The following PACRG variants were observed in gnomAD, a reference collection of about 807,000 sequenced individuals.
PACRG encodes parkin coregulated, also known as parkin coregulated gene protein.
Under a neutral mutation model 29.7 loss-of-function variants are expected in PACRG, and 29 were observed. That is an observed-to-expected ratio of 0.98 (90% confidence interval 0.73 to 1.33). PACRG has a LOEUF of 1.33. Among genes scored for constraint, PACRG ranks in the 40% most tolerant of loss-of-function variants. The pLI is 0.00. For missense variants in PACRG, 279 were observed against 316.2 expected (o/e 0.88, Z 0.89); for synonymous variants, 116 against 118.7 (o/e 0.98, Z 0.15).
intron 3 of PACRG, among the ~76,000 whole-genome samples, chr6:163,064,531 T>C (rs967549690): frequency 3.9e-5 from 6 of 152,234 alleles, no homozygotes; most frequent in African/African-American, 1.4e-4. Flanking sequence ...ATCCTGAGTG[T>C]AACTGCTCCT....
chr6:163,076,258 C>T (rs779675360), intron 3 of PACRG, among the ~76,000 whole-genome samples: 3 of 152,160 alleles, frequency 2.0e-5, no homozygotes, highest in Non-Finnish European at 4.4e-5. Flanking sequence ...AGCTTTTGCT[C>T]GCCATCTGGG....
intron 1 of PACRG, among the ~76,000 whole-genome samples, chr6:162,763,189 TAGAG>T (rs1168327712): frequency 1.3e-5 from 2 of 152,202 alleles, no homozygotes; most frequent in East Asian, 1.9e-4. Flanking sequence ...TTTAAGCTGT[TAGAG>T]AGAACATAAA....
chr6:163,172,287 G>A (rs534616837), intron 4 of PACRG, among the ~76,000 whole-genome samples: 5 of 152,088 alleles, frequency 3.3e-5, no homozygotes, highest in Non-Finnish European at 5.9e-5. Context: ...CAACCTAAAT[G>A]AGCAGACCTT....
intron 4 of PACRG, among the ~76,000 whole-genome samples, chr6:163,110,961 CAT>C (rs1815680126): frequency 6.6e-6 from 1 of 152,240 alleles, no homozygotes; most frequent in South Asian, 2.1e-4. Flanking sequence ...TTCAAATCCA[CAT>C]GTGTCAAATC....
intron 2 of PACRG, among the ~76,000 whole-genome samples, chr6:162,855,981 T>C (rs768690170): frequency 1.3e-5 from 2 of 152,186 alleles, no homozygotes; most frequent in Admixed American, 1.3e-4. Flanking sequence ...TGCCGGACTT[T>C]ATGCCTTCCT....
intron 2 of PACRG, among the ~76,000 whole-genome samples, chr6:162,833,198 A>T (rs1346967504): frequency 6.6e-6 from 1 of 152,188 alleles, no homozygotes; most frequent in Non-Finnish European, 1.5e-5. Context: ...GTGTCAAAAG[A>T]TGAATTAACT....
At chr6:163,305,841 G>T (rs1373545364) in intron 4 of PACRG, among the ~76,000 whole-genome samples, 1 of 152,198 alleles carries the variant, frequency 6.6e-6, no homozygotes, top group Non-Finnish European at 1.5e-5. Flanking sequence ...AGTGGCTACA[G>T]TATCTCCCCA....
intron 2 of PACRG, among the ~76,000 whole-genome samples, chr6:162,983,078 CT>C (rs1802566457): frequency 6.6e-6 from 1 of 151,844 alleles, no homozygotes; most frequent in Non-Finnish European, 1.5e-5. Context: ...TCTTTTTTAA[CT>C]GTTGTTGCCT....
chr6:163,089,496 TTTA>T, intron 4 of PACRG, 88 bp downstream of exon 4: 9 of 1,458,038 alleles, frequency 6.2e-6, no homozygotes, highest in Non-Finnish European at 8.5e-6. Flanking sequence ...ACGTTTAGGA[TTTA>T]TTATTGCATA....
At chr6:163,246,263 T>A (rs1333545832) in intron 4 of PACRG, among the ~76,000 whole-genome samples, 1 of 152,208 alleles carries the variant, frequency 6.6e-6, no homozygotes, top group Non-Finnish European at 1.5e-5. Context: ...ATTCTCCAGT[T>A]GCATCAGAAG....
intron 4 of PACRG, among the ~76,000 whole-genome samples, chr6:163,260,652 G>T (rs1169843431): frequency 6.6e-6 from 1 of 152,200 alleles, no homozygotes; most frequent in Non-Finnish European, 1.5e-5. Flanking sequence ...GACAGGGAAA[G>T]AATACTGCTG....
At chr6:162,979,799 A>T (rs1347876003) in intron 2 of PACRG, among the ~76,000 whole-genome samples, 1 of 152,152 alleles carries the variant, frequency 6.6e-6, no homozygotes, top group East Asian at 1.9e-4. Flanking sequence ...TGCAGCAAAG[A>T]ATACTAAAGA....
At position 163,211,068 on chromosome 6, in the gene PACRG, G is replaced by T. The variant is rs185166459; in HGVS notation, c.614-103759G>T. Reference sequence around the variant, plus strand: ...TTTTTTCTCCTAGGCTTACATGATAGATTCTATCACAGAATCTTTCTCTCC... The same window carrying T: ...TTTTTTCTCCTAGGCTTACATGATATATTCTATCACAGAATCTTTCTCTCC... On this transcript the variant is annotated intron_variant, in intron 4 of 4. Coordinates refer to ENST00000366888, the MANE Select transcript of PACRG (RefSeq NM_001080379.2). 6.1e-4 allele frequency among the ~76,000 whole-genome samples: 93 copies of T among 152,246 alleles called. 1 individual carries two copies. The East Asian group carries it at 7.9e-3, about 13-fold the overall frequency.
At chr6:163,063,525 C>T (rs984169836) in intron 3 of PACRG, among the ~76,000 whole-genome samples, 3 of 152,188 alleles carry the variant, frequency 2.0e-5, no homozygotes, top group African/African-American at 7.2e-5. Flanking sequence ...ATTATTTAAT[C>T]GTATCCAAGG....
intron 4 of PACRG, among the ~76,000 whole-genome samples, chr6:163,142,433 C>T (rs1451032696): frequency 6.6e-6 from 1 of 151,670 alleles, no homozygotes; most frequent in Non-Finnish European, 1.5e-5. Flanking sequence ...AAAATAGAAA[C>T]CCAAAATAAG....
At chr6:162,864,480 T>G (rs1792130351) in intron 2 of PACRG, among the ~76,000 whole-genome samples, 1 of 151,994 alleles carries the variant, frequency 6.6e-6, no homozygotes, top group Non-Finnish European at 1.5e-5. Flanking sequence ...GATAGGCAAA[T>G]AGAAGTACAA....
At chr6:163,004,744 A>G (rs1237220996) in intron 2 of PACRG, among the ~76,000 whole-genome samples, 1 of 147,754 alleles carries the variant, frequency 6.8e-6, no homozygotes, top group Non-Finnish European at 1.5e-5. Context: ...ATATACACAC[A>G]CACACACACA....
chr6:162,961,129 C>T (rs758168203), intron 2 of PACRG, among the ~76,000 whole-genome samples: 10 of 152,306 alleles, frequency 6.6e-5, no homozygotes, highest in African/African-American at 9.6e-5. Context: ...TGTACTCAAA[C>T]GAGGCAAGAA....
intron 4 of PACRG, chr6:163,312,653 T>A (rs185078685): frequency 2.8e-5 from 8 of 288,010 alleles, no homozygotes; most frequent in East Asian, 2.8e-4. Context: ...ATTTACATGT[T>A]TGTTTTTACA....
Sources: gnomAD v4.1 joint callset for allele counts (sites outside exome capture counted in the v4.1 genomes callset) on GRCh38, gnomAD v4.1.1 for gene constraint, MANE v1.5 for transcripts, NCBI Gene and HGNC (gene_info 2026-07-23, HGNC 2026-07-21) for gene names.